THSD7B: variants seen among roughly 807,000 people sequenced by gnomAD.
THSD7B encodes the protein thrombospondin type 1 domain containing 7B.
A neutral mutation model predicts 213.6 loss-of-function variants in THSD7B; 138 were observed. The observed-to-expected ratio is 0.65, with a 90% CI of 0.56 to 0.74. The LOEUF is 0.74. Ranked by LOEUF, THSD7B falls within the 30% of genes least tolerant of loss-of-function variation. THSD7B has a pLI of 0.00. For missense variants in THSD7B, 1,931 were observed against 1,991.5 expected, an observed-to-expected ratio of 0.97 and a Z score of 0.58; for synonymous variants, 742 against 687.0, an observed-to-expected ratio of 1.08 and a Z score of -1.25.
chr2:137,674,894 T>C (rs1683662368), intron 27 of THSD7B, among the ~76,000 whole-genome samples: 1 of 152,212 alleles, frequency 6.6e-6, no homozygotes, highest in Admixed American at 6.5e-5. Context: ...AATTTATTTC[T>C]TTAACTTGTA....
At chr2:137,619,977 T>G (rs116713199) in intron 19 of THSD7B, among the ~76,000 whole-genome samples, 163 of 152,326 alleles carry the variant, frequency 1.1e-3, no homozygotes, top group African/African-American at 3.6e-3. Flanking sequence ...GAATTTTTTA[T>G]TATTCCTTCT....
intron 1 of THSD7B, among the ~76,000 whole-genome samples, chr2:136,775,677 T>C (rs1558800978): frequency 6.6e-6 from 1 of 152,086 alleles, no homozygotes; most frequent in Non-Finnish European, 1.5e-5. Context: ...TTGAAGAATA[T>C]AGTGTTAAGC....
intron 5 of THSD7B, among the ~76,000 whole-genome samples, chr2:137,129,609 T>TA (rs1412429693): frequency 3.0e-4 from 46 of 151,852 alleles, no homozygotes; most frequent in Non-Finnish European, 4.7e-4. Flanking sequence ...CTAGCTAATT[T>TA]AAAAAAATAG....
At chr2:137,160,509 G>A in intron 6 of THSD7B, 141 bp downstream of exon 6, 1 of 1,111,812 alleles carries the variant, frequency 9.0e-7, no homozygotes. Context: ...ACGGTATTCA[G>A]TTTTAGGGAG....
intron 3 of THSD7B, among the ~76,000 whole-genome samples, chr2:137,073,074 TTG>T (rs529441656): frequency 3.5e-4 from 53 of 152,162 alleles, no homozygotes; most frequent in African/African-American, 1.2e-3. Flanking sequence ...TCTTTTTTTG[TTG>T]TGTCTCTGCC....
At chr2:136,926,476 T>A (rs2105040944) in intron 2 of THSD7B, among the ~76,000 whole-genome samples, 1 of 152,172 alleles carries the variant, frequency 6.6e-6, no homozygotes, top group South Asian at 2.1e-4. Context: ...GCAAATTACT[T>A]GAGTCCAGGA....
At chr2:137,288,968 C>T (rs775107927) in intron 12 of THSD7B, among the ~76,000 whole-genome samples, 9 of 152,010 alleles carry the variant, frequency 5.9e-5, no homozygotes, top group Admixed American at 1.3e-4. Flanking sequence ...ATAGTTGTTC[C>T]ACTTGCTACT....
intron 8 of THSD7B, 75 bp from the exon 9 acceptor site, chr2:137,232,824 C>T (rs1681670096): frequency 1.5e-6 from 2 of 1,375,470 alleles, no homozygotes; most frequent in African/African-American, 1.4e-5. Context: ...TCTCTCTAGA[C>T]CATTAAAGCA....
intron 14 of THSD7B, among the ~76,000 whole-genome samples, chr2:137,413,237 T>C (rs569189289): frequency 6.6e-6 from 1 of 152,286 alleles, no homozygotes; most frequent in Non-Finnish European, 1.5e-5. Context: ...AAGAAAGTAA[T>C]GGACCCATTT....
intron 2 of THSD7B, among the ~76,000 whole-genome samples, chr2:136,936,086 T>A (rs1684721709): frequency 6.6e-6 from 1 of 151,620 alleles, no homozygotes; most frequent in South Asian, 2.1e-4. Flanking sequence ...ATGATAAAAT[T>A]TACCCATTTA....
At chr2:137,566,873 A>G (rs1681248541) in intron 16 of THSD7B, among the ~76,000 whole-genome samples, 1 of 152,210 alleles carries the variant, frequency 6.6e-6, no homozygotes, top group African/African-American at 2.4e-5. Flanking sequence ...AGTTATCAGG[A>G]GTATTATTTT....
chr2:137,048,766 A>T (rs1207273559), intron 2 of THSD7B, among the ~76,000 whole-genome samples: 2 of 152,158 alleles, frequency 1.3e-5, no homozygotes, highest in African/African-American at 4.8e-5. Context: ...ACAGAACTTT[A>T]TTCTCATTTT....
chr2:136,994,183 G>A (rs1372743143), intron 2 of THSD7B, among the ~76,000 whole-genome samples: 1 of 152,174 alleles, frequency 6.6e-6, no homozygotes, highest in African/African-American at 2.4e-5. Flanking sequence ...ACGAGGGCTG[G>A]CATAAAATAT....
intron 1 of THSD7B, among the ~76,000 whole-genome samples, chr2:136,771,432 A>G (rs1033822620): frequency 1.3e-5 from 2 of 152,188 alleles, no homozygotes; most frequent in Admixed American, 1.3e-4. Context: ...AGGATTCCAG[A>G]TACTACATCA....
intron 5 of THSD7B, among the ~76,000 whole-genome samples, chr2:137,139,717 T>G (rs546667444): frequency 6.6e-6 from 1 of 152,284 alleles, no homozygotes; most frequent in East Asian, 1.9e-4. Flanking sequence ...ATATTACATT[T>G]GCCTGCCTGA....
At chr2:136,779,876 G>A (rs1573634758) in intron 1 of THSD7B, among the ~76,000 whole-genome samples, 1 of 152,150 alleles carries the variant, frequency 6.6e-6, no homozygotes, top group South Asian at 2.1e-4. Flanking sequence ...GAGGAGTTGA[G>A]GTCCAGCCTG....
intron 17 of THSD7B, among the ~76,000 whole-genome samples, chr2:137,586,203 T>C (rs1353761867): frequency 6.6e-6 from 1 of 152,178 alleles, no homozygotes; most frequent in Admixed American, 6.5e-5. Flanking sequence ...TCTTCCTCCA[T>C]CCCTTTCTTT....
chr2:137,231,446 T>G (rs561212947), intron 8 of THSD7B, among the ~76,000 whole-genome samples: 1 of 152,312 alleles, frequency 6.6e-6, no homozygotes, highest in African/African-American at 2.4e-5. Context: ...TTTACATGAA[T>G]TGCTTTACCA....
chr2:137,201,711 G>T (rs549863248), intron 7 of THSD7B, among the ~76,000 whole-genome samples: 2 of 152,234 alleles, frequency 1.3e-5, no homozygotes, highest in Non-Finnish European at 1.5e-5. Flanking sequence ...CTCCAAAGTG[G>T]CTGTGCCAAT....
Sources: gnomAD v4.1 joint callset for allele counts (sites outside exome capture counted in the v4.1 genomes callset) on GRCh38, gnomAD v4.1.1 for gene constraint, MANE v1.5 for transcripts, NCBI Gene and HGNC (gene_info 2026-07-23, HGNC 2026-07-21) for gene names.